RHOA: variants seen among roughly 807,000 people sequenced by gnomAD.
RHOA encodes the protein transforming protein RhoA.
A neutral mutation model predicts 17.5 loss-of-function variants in RHOA; 3 were observed. The ratio of observed to expected loss-of-function variants is 0.17; its 90% confidence interval spans 0.08 to 0.44. The LOEUF is 0.44. Ranked by LOEUF, RHOA falls within the 20% of genes least tolerant of loss-of-function variation. The pLI, the probability that RHOA is intolerant of heterozygous loss-of-function variation, is 0.99. For missense variants in RHOA, 56 were observed against 242.3 expected (o/e 0.23, Z 5.10); for synonymous variants, 98 against 88.4 (o/e 1.11, Z -0.61).
intron 1 of RHOA, among the ~76,000 whole-genome samples, 199 bp downstream of exon 1, chr3:49,411,621 G>C (rs1403408037): frequency 2.0e-5 from 3 of 151,888 alleles, no homozygotes; most frequent in African/African-American, 7.2e-5. Context: ...CGCGCTTCCG[G>C]GGACTGCGCG....
At position 49,360,266 on chromosome 3, in the gene RHOA, C is replaced by G. The variant is rs148308900; in HGVS notation, c.525G>C (p.Thr175=). 1 of 1,614,118 alleles carries G rather than the reference C, an allele frequency of 6.2e-7. No homozygotes were observed. Among genetic ancestry groups the G allele is most frequent in the South Asian group, 1.1e-5 (1 of 91,082 alleles). The part of the protein sequence containing the change: ...DGVREVFEMA[T]RAALQARRGK... ...CACGTCTAGCTTGCAGAGCAGCTCT[C>G]GTAGCCATTTCAAAAACCTCTCTCA... The change falls in exon 5 of 5, where the codon ACG becomes ACC. Residue 175 remains threonine (T), a synonymous_variant. Transcript: ENST00000418115.
chr3:49,396,005 A>G (rs1204869744), intron 1 of RHOA, among the ~76,000 whole-genome samples: 23 of 152,158 alleles, frequency 1.5e-4, no homozygotes, highest in Admixed American at 1.5e-3. Flanking sequence ...ATCTAGCCAA[A>G]GAGTGCCACC....
At chr3:49,377,784 G>C (rs1442163667) in intron 1 of RHOA, among the ~76,000 whole-genome samples, 1 of 150,530 alleles carries the variant, frequency 6.6e-6, no homozygotes, top group Non-Finnish European at 1.5e-5. Context: ...AAACTCTTAT[G>C]ACTCAACTAC....
intron 2 of RHOA, among the ~76,000 whole-genome samples, chr3:49,374,833 A>G (rs546443540): frequency 6.6e-6 from 1 of 151,370 alleles, no homozygotes; most frequent in Non-Finnish European, 1.5e-5. Flanking sequence ...AAAAACAGCC[A>G]ATCACCTGCG....
chr3:49,375,871 G>A (rs1023738493), intron 1 of RHOA, among the ~76,000 whole-genome samples: 2 of 151,352 alleles, frequency 1.3e-5, no homozygotes, highest in Admixed American at 6.6e-5. Flanking sequence ...TTTTTGAGAC[G>A]GAGTCTCACT....
intron 3 of RHOA, among the ~76,000 whole-genome samples, chr3:49,368,100 C>T (rs987162577): frequency 1.1e-4 from 16 of 151,704 alleles, no homozygotes; most frequent in African/African-American, 2.7e-4. Flanking sequence ...TTAGTAAAGA[C>T]GGGGTTTCAC....
At chr3:49,364,957 C>T (rs747332944) in intron 3 of RHOA, among the ~76,000 whole-genome samples, 13 of 151,874 alleles carry the variant, frequency 8.6e-5, no homozygotes, top group Non-Finnish European at 1.8e-4. Flanking sequence ...GTGACAAGAG[C>T]AAAAGTCTGT....
intron 2 of RHOA, among the ~76,000 whole-genome samples, chr3:49,374,651 G>C (rs1275169143): frequency 6.6e-6 from 1 of 152,186 alleles, no homozygotes; most frequent in East Asian, 1.9e-4. Context: ...GAACCCGGGA[G>C]GTGGAGGTTG....
intron 1 of RHOA, among the ~76,000 whole-genome samples, chr3:49,407,100 T>G (rs567981676): frequency 6.6e-6 from 1 of 151,978 alleles, no homozygotes; most frequent in African/African-American, 2.4e-5. Context: ...TGAACAAAGA[T>G]CACTCACTGC....
intron 1 of RHOA, among the ~76,000 whole-genome samples, chr3:49,409,774 T>C (rs931450859): frequency 1.3e-5 from 2 of 152,158 alleles, no homozygotes; most frequent in Non-Finnish European, 2.9e-5. Context: ...AAATCAGGAC[T>C]ACGAAAATAC....
chr3:49,407,029 C>T (rs1209628719), intron 1 of RHOA, among the ~76,000 whole-genome samples: 2 of 150,958 alleles, frequency 1.3e-5, no homozygotes, highest in Non-Finnish European at 3.0e-5. Context: ...CACCTGTAGT[C>T]CCAGCTACTC....
At chr3:49,401,465 C>A (rs1394423962) in intron 1 of RHOA, among the ~76,000 whole-genome samples, 2 of 149,980 alleles carry the variant, frequency 1.3e-5, no homozygotes, top group East Asian at 2.0e-4. Context: ...CCAGCCTGGG[C>A]AACATGGCGA....
At chr3:49,375,337 T>C (rs1575653505) in intron 2 of RHOA, 97 bp downstream of exon 2, 2 of 1,105,830 alleles carry the variant, frequency 1.8e-6, no homozygotes, top group Admixed American at 5.0e-5. Context: ...TTTTGTTATA[T>C]GGTATACTGA....
At chr3:49,363,308 T>C (rs553337628) in intron 3 of RHOA, among the ~76,000 whole-genome samples, 1 of 152,040 alleles carries the variant, frequency 6.6e-6, no homozygotes, top group Non-Finnish European at 1.5e-5. Context: ...TAGTCCCAGC[T>C]ATTCAGGAGG....
chr3:49,391,348 C>A (rs2048502632), intron 1 of RHOA, among the ~76,000 whole-genome samples: 1 of 150,114 alleles, frequency 6.7e-6, no homozygotes, highest in Admixed American at 6.7e-5. Context: ...GCCAAGATCA[C>A]ACCACTGCAC....
intron 2 of RHOA, among the ~76,000 whole-genome samples, chr3:49,372,894 C>G (rs1370727781): frequency 6.6e-6 from 1 of 152,042 alleles, no homozygotes; most frequent in Non-Finnish European, 1.5e-5. Context: ...GAGGAAGGCT[C>G]AAAGGTCAGG....
At chr3:49,411,630 C>A (rs1375041330) in intron 1 of RHOA, among the ~76,000 whole-genome samples, 190 bp downstream of exon 1, 2 of 151,680 alleles carry the variant, frequency 1.3e-5, no homozygotes, top group African/African-American at 4.8e-5. Flanking sequence ...GGGGACTGCG[C>A]GGGCGGGGTC....
In RHOA at chr3:49,360,308, T is replaced by C; in HGVS notation, c.483A>G (p.Ala161=). 6.2e-7 allele frequency: 1 copy of C among 1,614,154 alleles called. No individual in the cohort carries two copies. The highest frequency in any genetic ancestry group is 8.5e-7 in the Non-Finnish European group (1 of 1,180,034). ...IGAFGYMECS[A]KTKDGVREVF... is the part of the protein sequence containing the mutation. ...CCTCTCTCACTCCATCTTTGGTCTT[T>C]GCTGAACACTCCATGTACCCAAAAG... Residue 161 remains alanine (A), a synonymous_variant, in exon 5 of 5, where the codon GCA becomes GCG. Transcript: ENST00000418115.
At chr3:49,388,584 G>A (rs917937413) in intron 1 of RHOA, among the ~76,000 whole-genome samples, 1 of 152,110 alleles carries the variant, frequency 6.6e-6, no homozygotes, top group Non-Finnish European at 1.5e-5. Flanking sequence ...ATGCATTAAT[G>A]AGCAACTCTC....
Sources: allele counts gnomAD v4.1 joint callset (sites outside exome capture counted in the v4.1 genomes callset), GRCh38; gene constraint gnomAD v4.1.1; transcripts MANE v1.5; gene names NCBI Gene and HGNC (gene_info 2026-07-23, HGNC 2026-07-21).